The following STK32C variants were observed in gnomAD, a reference collection of about 807,000 sequenced individuals.
The protein encoded by STK32C is serine/threonine kinase 32C, also known as serine/threonine-protein kinase 32C.
In STK32C, 31 loss-of-function variants were observed where a neutral mutation model predicts 56.5. That is an observed-to-expected ratio of 0.55 (90% CI 0.41 to 0.74). The LOEUF (loss-of-function observed/expected upper bound fraction) is 0.74, where lower values mean the gene tolerates loss of function less well. STK32C is among the 30% of genes least tolerant of loss of function. The probability of loss-of-function intolerance (pLI) is 0.00; values close to 1 mark genes in which losing one functional copy is unlikely to be tolerated. For missense variants in STK32C, 544 were observed against 676.9 expected (o/e 0.80, Z 2.18); for synonymous variants, 309 against 289.4 (o/e 1.07, Z -0.69).
chr10:132,290,862 A>C (rs2065542421), intron 1 of STK32C, among the ~76,000 whole-genome samples: 1 of 151,866 alleles, frequency 6.6e-6, no homozygotes, highest in South Asian at 2.1e-4. Context: ...ACCCAGACCC[A>C]CCAAGCCCAG....
intron 1 of STK32C, among the ~76,000 whole-genome samples, chr10:132,248,240 C>T (rs182129087): frequency 2.0e-4 from 31 of 152,290 alleles, no homozygotes; most frequent in Admixed American, 4.6e-4. Flanking sequence ...TGAACCAGCA[C>T]GTGGGACAGA....
chr10:132,263,453 G>A (rs1043999474), intron 1 of STK32C, among the ~76,000 whole-genome samples: 63 of 152,032 alleles, frequency 4.1e-4, no homozygotes, highest in African/African-American at 1.5e-3. Context: ...GGGAGAAGAG[G>A]AGGAGTCAAG....
chr10:132,288,126 T>C (rs896127433), intron 1 of STK32C, among the ~76,000 whole-genome samples: 3 of 151,888 alleles, frequency 2.0e-5, no homozygotes, highest in Non-Finnish European at 4.4e-5. Flanking sequence ...CAGCAAATAG[T>C]GCTGGACCAT....
intron 1 of STK32C, among the ~76,000 whole-genome samples, chr10:132,262,712 C>T (rs1412882251): frequency 6.9e-6 from 1 of 143,908 alleles, no homozygotes; most frequent in Non-Finnish European, 1.5e-5. Flanking sequence ...GGAGATCACA[C>T]CACTGTACTC....
chr10:132,246,047 C>T (rs2063676017), intron 1 of STK32C, 92 bp from the exon 2 acceptor site: 1 of 1,252,374 alleles, frequency 8.0e-7, no homozygotes, highest in Non-Finnish European at 1.2e-6. Context: ...CACCCCGACA[C>T]TGCCCAGGGC....
At chr10:132,246,615 C>G (rs1370694861) in intron 1 of STK32C, among the ~76,000 whole-genome samples, 2 of 152,234 alleles carry the variant, frequency 1.3e-5, no homozygotes, top group Non-Finnish European at 2.9e-5. Context: ...TTTCCCACAC[C>G]TGCAAGTCCC....
intron 1 of STK32C, among the ~76,000 whole-genome samples, chr10:132,304,495 T>C (rs528500271): frequency 4.5e-4 from 69 of 152,238 alleles, no homozygotes; most frequent in African/African-American, 1.6e-3. Flanking sequence ...TGGCAACATA[T>C]CGCTGAATCA....
intron 1 of STK32C, among the ~76,000 whole-genome samples, chr10:132,253,681 C>CGGAGCTGAG (rs891329517): frequency 4.7e-5 from 7 of 149,424 alleles, no homozygotes; most frequent in Admixed American, 2.0e-4. Flanking sequence ...AGGGAGCCTG[C>CGGAGCTGAG]GGAGCTGAGG....
chr10:132,332,206 T>C (rs1422155177), upstream of STK32C: 1 of 155,136 alleles, frequency 6.4e-6, no homozygotes, highest in Non-Finnish European at 1.4e-5. Context: ...GTCGGGCTGC[T>C]GCTCTCAGCG....
intron 1 of STK32C, among the ~76,000 whole-genome samples, chr10:132,273,255 C>A (rs886589745): frequency 6.6e-6 from 1 of 152,156 alleles, no homozygotes; most frequent in Admixed American, 6.5e-5. Flanking sequence ...ACCAAGAGGG[C>A]AGCCCCCAGT....
chr10:132,302,481 G>A (rs191667878), intron 1 of STK32C, among the ~76,000 whole-genome samples: 9 of 152,306 alleles, frequency 5.9e-5, no homozygotes, highest in Admixed American at 2.6e-4. Context: ...CCAGAACCGG[G>A]GAAGCCAGGA....
intron 2 of STK32C, among the ~76,000 whole-genome samples, chr10:132,229,371 C>T (rs2063013640): frequency 6.6e-6 from 1 of 152,258 alleles, no homozygotes; most frequent in Non-Finnish European, 1.5e-5. Context: ...GTGGCACACA[C>T]CCGTAGTCCC....
In STK32C at chr10:132,221,693, C is replaced by T. The variant is rs200458481; in HGVS notation, c.1251+948G>A. Among the ~76,000 whole-genome samples the T allele has an allele frequency of 1.0e-4, 15 of 147,258 alleles. No homozygotes were observed. The East Asian group carries it at 2.3e-3, about 22-fold the overall frequency. Reference sequence around the variant, plus strand: ...GGCTTCACATGGCCGTCCCCACACACACAACTGATGCTGACGCACCTGGGC... The same window carrying T: ...GGCTTCACATGGCCGTCCCCACACATACAACTGATGCTGACGCACCTGGGC... On this transcript the variant is annotated intron_variant, in intron 10 of 11. Transcript: ENST00000298630.
chr10:132,271,607 T>A lies in STK32C; in HGVS notation c.263-25652A>T, dbSNP rs138910519. ...CCGTGGCGTCAGCATGACACGGTCA[T>A]GTCCGGCTGGGAGAGCTGGTAAGAC... On this transcript the variant is annotated intron_variant, in intron 1 of 11. Transcript: ENST00000298630. 7.9e-5 allele frequency among the ~76,000 whole-genome samples: 12 copies of A among 152,202 alleles called. No homozygotes were observed. The South Asian group carries it at 2.1e-3, about 26-fold the overall frequency.
chr10:132,293,825 AAGCCCTACCAG>A (rs2065646935), intron 1 of STK32C, among the ~76,000 whole-genome samples: 1 of 152,170 alleles, frequency 6.6e-6, no homozygotes, highest in Admixed American at 6.5e-5. Context: ...AGCCCCGAGG[AAGCCCTACCAG>A]AGCTGGGGCA....
At chr10:132,243,013 C>A (rs956740254) in intron 2 of STK32C, among the ~76,000 whole-genome samples, 1 of 152,246 alleles carries the variant, frequency 6.6e-6, no homozygotes, top group East Asian at 1.9e-4. Context: ...GGCCGGGGCT[C>A]GGCATGGGCT....
chr10:132,307,921 G>C lies in STK32C; in HGVS notation c.-88C>G, dbSNP rs920110960. On this transcript the variant is annotated 5_prime_UTR_variant, in exon 1 of 12. Coordinates refer to ENST00000298630, the MANE Select transcript of STK32C (RefSeq NM_173575.4). The surrounding 1 kb of genome is among the most constrained non-coding windows in gnomAD (Gnocchi z 4.4). ...GCGGCAGTGGTAGCGGGAGCGCTCG[G>C]GGCCGGCAGCGCCCGCCGTGCGCTC... The C allele has an allele frequency of 2.7e-4, 293 of 1,084,226 alleles. 2 individuals are homozygous for C. The African/African-American group carries it at 4.4e-3, about 16-fold the overall frequency. The allele number at this position is 1,084,226 out of a possible 1,614,324, so 67.2% of individuals were successfully genotyped here.
chr10:132,295,905 G>A (rs2492648), intron 1 of STK32C, among the ~76,000 whole-genome samples: 82,525 of 151,150 alleles, frequency 0.55, 25,166 homozygotes, highest in East Asian at 0.86. Flanking sequence ...AATTCTGAAT[G>A]ACGTATATAG....
chr10:132,276,828 C>T (rs920712720), intron 1 of STK32C, among the ~76,000 whole-genome samples: 5 of 152,114 alleles, frequency 3.3e-5, no homozygotes, highest in Admixed American at 6.5e-5. Context: ...AGGTTTCCTC[C>T]GTTACCCCAG....
Sources: gnomAD v4.1 joint callset for allele counts (sites outside exome capture counted in the v4.1 genomes callset) on GRCh38, gnomAD v4.1.1 for gene constraint, Gnocchi (gnomAD v3.1) non-coding constraint, MANE v1.5 for transcripts, NCBI Gene and HGNC (gene_info 2026-07-23, HGNC 2026-07-21) for gene names.